Variants in ANO10 observed in about 807,000 individuals in gnomAD.
The protein encoded by ANO10 is anoctamin-10.
In ANO10, 77 loss-of-function variants were observed where a neutral mutation model predicts 74.7. The observed-to-expected ratio is 1.03, with a 90% CI of 0.86 to 1.25. The LOEUF (loss-of-function observed/expected upper bound fraction) is 1.25. Ranked by LOEUF, ANO10 falls within the 50% of genes most tolerant of loss-of-function variation. The pLI, the probability that ANO10 is intolerant of heterozygous loss-of-function variation, is 0.00. For missense variants in ANO10, 721 were observed against 778.1 expected, an observed-to-expected ratio of 0.93 and a Z score of 0.87; for synonymous variants, 279 against 284.9, an observed-to-expected ratio of 0.98 and a Z score of 0.21.
chr3:43,444,475 G>A (rs1213039693), intron 11 of ANO10, among the ~76,000 whole-genome samples: 1 of 152,200 alleles, frequency 6.6e-6, no homozygotes, highest in Non-Finnish European at 1.5e-5. Context: ...TATAAAAACT[G>A]TGTGCCCAGA....
intron 12 of ANO10, among the ~76,000 whole-genome samples, chr3:43,374,084 C>A (rs951333226): frequency 6.6e-6 from 1 of 152,196 alleles, no homozygotes; most frequent in Non-Finnish European, 1.5e-5. Context: ...ACGCACCCAT[C>A]TAGATGGTTC....
At position 43,574,807 on chromosome 3, in the gene ANO10, A is replaced by G; in HGVS notation, c.1218+2T>C. On this transcript the variant is annotated splice_donor_variant, in intron 7 of 12. Transcript: ENST00000292246. LOFTEE classifies it high-confidence loss of function. ...GGATTTGTACATAAACGCTGTACTT[A>G]CCACTAAAACTTTCAGAATTAGATG... 6.2e-7 allele frequency: 1 copy of G among 1,612,894 alleles called. No homozygotes were observed. The highest frequency in any genetic ancestry group is 8.5e-7 in the Non-Finnish European group (1 of 1,178,860).
chr3:43,386,853 G>T (rs2092135495), intron 12 of ANO10, among the ~76,000 whole-genome samples: 1 of 152,158 alleles, frequency 6.6e-6, no homozygotes, highest in Non-Finnish European at 1.5e-5. Flanking sequence ...CCGCCTATGA[G>T]TAAGGGTGGG....
At chr3:43,441,743 T>C (rs1287200682) in intron 11 of ANO10, among the ~76,000 whole-genome samples, 1 of 152,100 alleles carries the variant, frequency 6.6e-6, no homozygotes, top group Non-Finnish European at 1.5e-5. Context: ...TCAATATTGA[T>C]GCAAATTCCT....
At chr3:43,682,979 G>C (rs2084221905) in intron 1 of ANO10, among the ~76,000 whole-genome samples, 1 of 152,128 alleles carries the variant, frequency 6.6e-6, no homozygotes, top group East Asian at 1.9e-4. Context: ...ATATCATACT[G>C]AATGGGCAAA....
upstream of ANO10, among the ~76,000 whole-genome samples, chr3:43,625,458 T>C (rs1249528948): frequency 6.6e-6 from 1 of 152,244 alleles, no homozygotes; most frequent in Non-Finnish European, 1.5e-5. Context: ...CCTTGGGTAG[T>C]TGTTCTTTAC....
chr3:43,519,191 T>A (rs934994415), intron 11 of ANO10, among the ~76,000 whole-genome samples: 2 of 152,156 alleles, frequency 1.3e-5, no homozygotes, highest in African/African-American at 4.8e-5. Flanking sequence ...GTTCCCCCAG[T>A]AGGCAAGATC....
intron 1 of ANO10, chr3:43,653,050 C>CA (rs1005122966): frequency 0.01 from 1,486 of 143,880 alleles, 22 homozygotes; most frequent in African/African-American, 0.03. Flanking sequence ...ACTAAAAATA[C>CA]AAAAAAAAAA....
Position 43,658,198 on chromosome 3 carries a change from T to G in ANO10, c.-12+33319A>C, listed in dbSNP as rs145804717. 7.1e-3 allele frequency among the ~76,000 whole-genome samples: 1,054 copies of G among 148,204 alleles called. 11 individuals carry two copies. Among genetic ancestry groups the G allele is most frequent in the African/African-American group, 0.026 (997 of 38,200 alleles). On this transcript the variant is annotated intron_variant, in intron 1 of 3. Transcript: ENST00000413397. ...CTTTAGAGAAATTAAACAATCAAAA[T>G]TTATGTATCTTAAAGAAGTATTTTT...
intron 11 of ANO10, among the ~76,000 whole-genome samples, chr3:43,510,241 C>T (rs372861855): frequency 1.3e-5 from 2 of 151,966 alleles, no homozygotes; most frequent in African/African-American, 4.8e-5. Flanking sequence ...ACCAGCCTGG[C>T]CAACATGGTG....
At chr3:43,376,623 G>A (rs894767735) in intron 12 of ANO10, among the ~76,000 whole-genome samples, 9 of 152,140 alleles carry the variant, frequency 5.9e-5, no homozygotes, top group African/African-American at 1.7e-4. Context: ...TTCCCAGATG[G>A]GAGGACCAAA....
chr3:43,552,956 G>A (rs549060540), intron 10 of ANO10, among the ~76,000 whole-genome samples: 1 of 152,016 alleles, frequency 6.6e-6, no homozygotes, highest in African/African-American at 2.4e-5. Flanking sequence ...ACCACACCCA[G>A]CTAATTTTTG....
intron 1 of ANO10, among the ~76,000 whole-genome samples, chr3:43,680,186 G>A (rs1279097711): frequency 2.6e-5 from 4 of 151,904 alleles, no homozygotes; most frequent in Admixed American, 2.6e-4. Context: ...TAAAAACCTT[G>A]AAAAAAAATT....
intron 11 of ANO10, among the ~76,000 whole-genome samples, chr3:43,520,943 A>G (rs544807242): frequency 2.6e-5 from 4 of 152,068 alleles, no homozygotes; most frequent in Non-Finnish European, 5.9e-5. Context: ...TCTTAATTTC[A>G]TATTTAGTCT....
chr3:43,643,927 G>C (rs2083700087), intron 1 of ANO10, among the ~76,000 whole-genome samples: 2 of 151,808 alleles, frequency 1.3e-5, no homozygotes, highest in South Asian at 4.2e-4. Context: ...CTCATGATCC[G>C]CCCGCCTTGA....
At chr3:43,472,564 A>G (rs1329626559) in intron 11 of ANO10, 2 of 151,230 alleles carry the variant, frequency 1.3e-5, no homozygotes, top group East Asian at 3.9e-4. Context: ...CTCTTTCCCC[A>G]CCCTTCTCAC....
chr3:43,559,059 CT>C (rs2079899895), intron 9 of ANO10, among the ~76,000 whole-genome samples: 1 of 152,170 alleles, frequency 6.6e-6, no homozygotes. Flanking sequence ...GGTCTTGAAC[CT>C]TCTTTCTGAT....
intron 11 of ANO10, among the ~76,000 whole-genome samples, chr3:43,493,055 A>G (rs1377721313): frequency 6.6e-6 from 1 of 152,260 alleles, no homozygotes; most frequent in Non-Finnish European, 1.5e-5. Context: ...CATCAATGAT[A>G]GACTGGATGA....
Position 43,415,936 on chromosome 3 carries a change from A to G in ANO10, c.1914+16675T>C, listed in dbSNP as rs866345605. On this transcript the variant is annotated intron_variant, in intron 12 of 12. Transcript: ENST00000292246. Reference sequence around the variant, plus strand: ...TGATCTGTGGACAGCTATCCTGGATAAAGTTTAAATAACCTAGACTGATGT... The same window carrying G: ...TGATCTGTGGACAGCTATCCTGGATGAAGTTTAAATAACCTAGACTGATGT... Among the ~76,000 whole-genome samples the G allele has an allele frequency of 3.3e-4, 50 of 152,322 alleles. No individual in the cohort carries two copies. In the South Asian group the frequency reaches 5.8e-3, roughly 18 times the overall value.
Sources: allele counts gnomAD v4.1 joint callset (sites outside exome capture counted in the v4.1 genomes callset), GRCh38; gene constraint gnomAD v4.1.1; transcripts MANE v1.5; gene names NCBI Gene and HGNC (gene_info 2026-07-23, HGNC 2026-07-21).